The following OSBP2 variants were observed in gnomAD, a reference collection of about 807,000 sequenced individuals.
OSBP2 encodes oxysterol binding protein 2.
A neutral mutation model predicts 96.0 loss-of-function variants in OSBP2; 66 were observed. That is an observed-to-expected ratio of 0.69 (90% CI 0.56 to 0.84). The LOEUF (loss-of-function observed/expected upper bound fraction) is 0.84, where lower values mean the gene tolerates loss of function less well. OSBP2 is among the 40% of genes least tolerant of loss of function. OSBP2 has a pLI of 0.00. For missense variants in OSBP2, 1,038 were observed against 1,222.7 expected (o/e 0.85, Z 2.25); for synonymous variants, 525 against 520.9 (o/e 1.01, Z -0.11).
chr22:30,754,078 G>A (rs1381200562), intron 2 of OSBP2, among the ~76,000 whole-genome samples: 4 of 152,146 alleles, frequency 2.6e-5, no homozygotes, highest in African/African-American at 9.7e-5. Flanking sequence ...CACAGCACTT[G>A]AGAGAATTAC....
rs375864339 is a variant in OSBP2 at position 30,871,291 on chromosome 22, C to A, written c.1107+609C>A. Among the ~76,000 whole-genome samples, 1 of 152,118 alleles carries A rather than the reference C, an allele frequency of 6.6e-6. No homozygotes were observed. The highest frequency in any genetic ancestry group is 2.4e-5 in the African/African-American group (1 of 41,434). The stretch of plus-strand genomic sequence containing the variant: ...GCTCACCCTGGCTCTGGAAGCCACA[C>A]GGCTAGGACTGGGAGCCAGGAGGGT... On this transcript the variant is annotated intron_variant, in intron 3 of 13. Transcript: ENST00000332585. The surrounding 1 kb of genome is among the most constrained non-coding windows in gnomAD (Gnocchi z 4.7).
intron 2 of OSBP2, among the ~76,000 whole-genome samples, chr22:30,769,019 A>G (rs1460859346): frequency 6.6e-6 from 1 of 152,108 alleles, no homozygotes; most frequent in Non-Finnish European, 1.5e-5. Context: ...TCCCTGGGGT[A>G]CCCCCTGCAT....
chr22:30,723,863 G>C (rs893227998), intron 1 of OSBP2, among the ~76,000 whole-genome samples: 38 of 152,284 alleles, frequency 2.5e-4, no homozygotes, highest in African/African-American at 8.7e-4. Context: ...TGGTCTGTTT[G>C]TTACAGTGGA....
At chr22:30,763,841 AC>A (rs1418507208) in intron 2 of OSBP2, among the ~76,000 whole-genome samples, 1 of 152,054 alleles carries the variant, frequency 6.6e-6, no homozygotes, top group East Asian at 1.9e-4. Context: ...GGGGACCTTG[AC>A]CCCCAGCCCA....
At chr22:30,829,771 C>T (rs2038484020) in intron 2 of OSBP2, among the ~76,000 whole-genome samples, 1 of 152,200 alleles carries the variant, frequency 6.6e-6, no homozygotes, top group South Asian at 2.1e-4. Flanking sequence ...GTGCAATGTA[C>T]AACCTGCTCA....
chr22:30,730,772 CTCTA>C (rs2089752859), intron 1 of OSBP2, among the ~76,000 whole-genome samples: 6 of 20,576 alleles, frequency 2.9e-4, no homozygotes, highest in African/African-American at 7.3e-4. Context: ...CTCTCTCTCT[CTCTA>C]TATATATATA....
chr22:30,797,213 A>G (rs1411064373), intron 2 of OSBP2, among the ~76,000 whole-genome samples: 2 of 152,240 alleles, frequency 1.3e-5, no homozygotes, highest in East Asian at 3.8e-4. Flanking sequence ...ATTCCACTGT[A>G]TGGATAGACT....
chr22:30,863,885 C>T (rs1040495613), intron 2 of OSBP2, among the ~76,000 whole-genome samples: 2 of 152,164 alleles, frequency 1.3e-5, no homozygotes, highest in African/African-American at 4.8e-5. Context: ...TTCTTTGCTC[C>T]CCTCAGGGCC....
chr22:30,774,297 G>A (rs1311914853), intron 2 of OSBP2, among the ~76,000 whole-genome samples: 3 of 152,194 alleles, frequency 2.0e-5, no homozygotes, highest in East Asian at 1.9e-4. Context: ...GTGTGCTGGC[G>A]AAAGCCTTGC....
chr22:30,848,576 C>G (rs1269177342), intron 2 of OSBP2, among the ~76,000 whole-genome samples: 1 of 152,148 alleles, frequency 6.6e-6, no homozygotes, highest in African/African-American at 2.4e-5. Context: ...TTTTCTCATA[C>G]CTCTTTGCAG....
chr22:30,729,796 G>C (rs1447066468), intron 1 of OSBP2, among the ~76,000 whole-genome samples: 1 of 152,026 alleles, frequency 6.6e-6, no homozygotes. Flanking sequence ...ACAAGGTCAG[G>C]AGTTTGAGAC....
intron 2 of OSBP2, among the ~76,000 whole-genome samples, chr22:30,776,974 T>A (rs1000224785): frequency 6.6e-6 from 1 of 152,176 alleles, no homozygotes; most frequent in Non-Finnish European, 1.5e-5. Context: ...TGTGGCCTCT[T>A]TGTTTTAGCC....
intron 2 of OSBP2, among the ~76,000 whole-genome samples, chr22:30,862,683 G>GA (rs563565519): frequency 1.3e-5 from 2 of 149,996 alleles, no homozygotes; most frequent in African/African-American, 4.9e-5. Context: ...CCATCTCAAA[G>GA]AAAAAAAAGG....
At chr22:30,761,539 TC>T (rs2090204688) in intron 2 of OSBP2, among the ~76,000 whole-genome samples, 1 of 151,836 alleles carries the variant, frequency 6.6e-6, no homozygotes, top group Non-Finnish European at 1.5e-5. Context: ...TGAATGCAAT[TC>T]CAAAAAAAAT....
intron 1 of OSBP2, among the ~76,000 whole-genome samples, chr22:30,726,300 G>A (rs966068387): frequency 3.3e-5 from 5 of 152,184 alleles, no homozygotes; most frequent in Admixed American, 6.6e-5. Context: ...ATACTATGCA[G>A]CCATAGAAAA....
intron 10 of OSBP2, 24 bp from the exon 11 acceptor site, chr22:30,893,614 C>T (rs776792620): frequency 6.2e-7 from 1 of 1,613,452 alleles, no homozygotes; most frequent in South Asian, 1.1e-5. Context: ...GGGCTGGCCG[C>T]TGACCACTGC....
upstream of OSBP2, chr22:30,694,140 A>G: frequency 6.5e-7 from 1 of 1,550,086 alleles, no homozygotes; most frequent in Non-Finnish European, 8.7e-7. Context: ...CAAGTTCAGA[A>G]TCCCACTTTG....
chr22:30,764,258 A>G (rs2090242246), intron 2 of OSBP2: 1 of 985,540 alleles, frequency 1.0e-6, no homozygotes, highest in East Asian at 1.1e-4. Context: ...CCCTTAGAGC[A>G]ACTAGAGCAG....
intron 2 of OSBP2, among the ~76,000 whole-genome samples, chr22:30,830,467 A>G (rs2038497702): frequency 6.6e-6 from 1 of 152,190 alleles, no homozygotes; most frequent in African/African-American, 2.4e-5. Flanking sequence ...TGGTTAGAGG[A>G]CAAGTGTCTT....
Sources: allele counts gnomAD v4.1 joint callset (sites outside exome capture counted in the v4.1 genomes callset), GRCh38; gene constraint gnomAD v4.1.1; non-coding constraint Gnocchi (gnomAD v3.1); transcripts MANE v1.5; gene names NCBI Gene and HGNC (gene_info 2026-07-23, HGNC 2026-07-21).